The following EIPR1 variants were observed in gnomAD, a reference collection of about 807,000 sequenced individuals.
The protein encoded by EIPR1 is EARP and GARP complex-interacting protein 1.
In EIPR1, 25 loss-of-function variants were observed where a neutral mutation model predicts 48.1. The ratio of observed to expected loss-of-function variants is 0.52; its 90% CI spans 0.38 to 0.73. The LOEUF is 0.73. Ranked by LOEUF, EIPR1 falls within the 30% of genes least tolerant of loss-of-function variation. EIPR1 has a pLI of 0.00. For synonymous variants in EIPR1, 204 were observed against 201.9 expected (o/e 1.01, Z -0.09); for missense variants, 415 against 506.2 (o/e 0.82, Z 1.73).
intron 3 of EIPR1, among the ~76,000 whole-genome samples, chr2:3,272,159 G>A (rs747825520): frequency 5.3e-5 from 8 of 152,178 alleles, no homozygotes; most frequent in East Asian, 1.9e-4. Flanking sequence ...GTCTTGCTCC[G>A]GATTAGGCTT....
rs376767381 is a variant in EIPR1, at chr2:3,214,708, C to A, written c.417-460G>T. On this transcript the variant is annotated intron_variant, in intron 4 of 8. Transcript: ENST00000382125. Reference sequence around the variant, plus strand: ...TACTTTATAAGAAAGTGCTGAATATCTCATGTAACGTATTGGATATCACAC... The same window carrying A: ...TACTTTATAAGAAAGTGCTGAATATATCATGTAACGTATTGGATATCACAC... Among the ~76,000 whole-genome samples, 3 of 152,276 alleles carry A rather than the reference C, an allele frequency of 2.0e-5. No individual in the cohort carries two copies. In the East Asian group the frequency reaches 5.8e-4, roughly 29 times the overall value.
chr2:3,299,618 T>TCACA (rs1212478991), intron 3 of EIPR1, among the ~76,000 whole-genome samples: 4 of 125,976 alleles, frequency 3.2e-5, no homozygotes, highest in Non-Finnish European at 7.0e-5. Context: ...TCTCTCTCTC[T>TCACA]CTCTCTCACA....
intron 5 of EIPR1, among the ~76,000 whole-genome samples, chr2:3,204,740 A>G (rs1322287115): frequency 6.6e-6 from 1 of 152,206 alleles, no homozygotes; most frequent in African/African-American, 2.4e-5. Flanking sequence ...AGAGACAAAA[A>G]GCTGTATTTC....
chr2:3,213,678 G>A (rs1665531365), intron 5 of EIPR1, among the ~76,000 whole-genome samples: 1 of 152,134 alleles, frequency 6.6e-6, no homozygotes, highest in African/African-American at 2.4e-5. Context: ...TGGGTTCCAT[G>A]TCATATCTCA....
intron 4 of EIPR1, among the ~76,000 whole-genome samples, chr2:3,254,881 A>C (rs1241384514): frequency 6.6e-6 from 1 of 152,224 alleles, no homozygotes; most frequent in Non-Finnish European, 1.5e-5. Flanking sequence ...GTGTAAGTTC[A>C]GTGGGCTGTA....
At chr2:3,345,640 AAAGT>A (rs1053472934) in intron 2 of EIPR1, among the ~76,000 whole-genome samples, 47 of 152,146 alleles carry the variant, frequency 3.1e-4, no homozygotes, top group African/African-American at 8.2e-4. Context: ...AAAAAAAGAA[AAAGT>A]AAGAAAAATA....
chr2:3,223,044 C>G (rs921793629), intron 4 of EIPR1, among the ~76,000 whole-genome samples: 1 of 152,178 alleles, frequency 6.6e-6, no homozygotes, highest in Admixed American at 6.5e-5. Flanking sequence ...CAGGGTCCTA[C>G]AAACTGCCCA....
intron 4 of EIPR1, among the ~76,000 whole-genome samples, chr2:3,228,551 C>T (rs1666137029): frequency 6.6e-6 from 1 of 152,158 alleles, no homozygotes; most frequent in Non-Finnish European, 1.5e-5. Context: ...GGGACTGTTG[C>T]AAGGTCATGA....
At chr2:3,245,191 TTGC>T (rs1666758468) in intron 4 of EIPR1, among the ~76,000 whole-genome samples, 1 of 28,526 alleles carries the variant, frequency 3.5e-5, no homozygotes, top group Non-Finnish European at 6.4e-5. Context: ...TACTTTACCG[TTGC>T]GTTGCGTTGC....
chr2:3,292,686 C>T (rs930253024), intron 3 of EIPR1, among the ~76,000 whole-genome samples: 1 of 152,168 alleles, frequency 6.6e-6, no homozygotes, highest in African/African-American at 2.4e-5. Context: ...GGCACGCAGC[C>T]TCATGTGATG....
chr2:3,202,822 T>C (rs1243508345), intron 5 of EIPR1, among the ~76,000 whole-genome samples: 1 of 152,242 alleles, frequency 6.6e-6, no homozygotes, highest in Non-Finnish European at 1.5e-5. Context: ...AACCTTCAGC[T>C]TAAGGACTCG....
intron 3 of EIPR1, among the ~76,000 whole-genome samples, chr2:3,278,038 A>G (rs1287776842): frequency 6.6e-6 from 1 of 152,148 alleles, no homozygotes; most frequent in African/African-American, 2.4e-5. Flanking sequence ...TCACTAGGGA[A>G]CTGCCCTTCC....
chr2:3,291,720 A>G (rs1255370436), intron 3 of EIPR1, among the ~76,000 whole-genome samples: 1 of 152,208 alleles, frequency 6.6e-6, no homozygotes, highest in Non-Finnish European at 1.5e-5. Context: ...AATCTGTATA[A>G]TAGACGTGGA....
intron 2 of EIPR1, among the ~76,000 whole-genome samples, chr2:3,338,524 G>T (rs1459028390): frequency 6.6e-6 from 1 of 152,202 alleles, no homozygotes; most frequent in East Asian, 1.9e-4. Context: ...CTCCCAGCCT[G>T]CTGCACAGCT....
At chr2:3,334,733 G>C (rs1258997966) in intron 3 of EIPR1, among the ~76,000 whole-genome samples, 2 of 152,230 alleles carry the variant, frequency 1.3e-5, no homozygotes, top group African/African-American at 4.8e-5. Context: ...GTTCTGCTAT[G>C]GCAGGAATAA....
intron 5 of EIPR1, among the ~76,000 whole-genome samples, chr2:3,206,152 T>A (rs1369777592): frequency 6.6e-6 from 1 of 152,188 alleles, no homozygotes; most frequent in Non-Finnish European, 1.5e-5. Flanking sequence ...TGGGCTCTCC[T>A]GGTGGCACAC....
intron 6 of EIPR1, among the ~76,000 whole-genome samples, chr2:3,195,049 G>A (rs1046854819): frequency 2.6e-5 from 4 of 152,244 alleles, no homozygotes; most frequent in Non-Finnish European, 4.4e-5. Context: ...GGGCAGACAC[G>A]CACACACGCA....
chr2:3,360,416 AAAG>A (rs1387771152), intron 1 of EIPR1, among the ~76,000 whole-genome samples: 9 of 149,692 alleles, frequency 6.0e-5, no homozygotes, highest in African/African-American at 2.0e-4. Context: ...AAAAAAAAAA[AAAG>A]AAAGAAAGAA....
chr2:3,239,431 C>T lies in EIPR1; in HGVS notation c.416+17868G>A, dbSNP rs144280543. ...AATGACCATCTCTGTGGTTGATGCA[C>T]AGACGCTTAGACACAGGAAGGAGGC... On this transcript the variant is annotated intron_variant, in intron 4 of 8. Transcript: ENST00000382125. Among the ~76,000 whole-genome samples the T allele has an allele frequency of 2.6e-5, 4 of 152,354 alleles. No homozygotes were observed. The East Asian group carries it at 7.7e-4, about 29-fold the overall frequency.
Sources: gnomAD v4.1 joint callset for allele counts (sites outside exome capture counted in the v4.1 genomes callset) on GRCh38, gnomAD v4.1.1 for gene constraint, MANE v1.5 for transcripts, NCBI Gene and HGNC (gene_info 2026-07-23, HGNC 2026-07-21) for gene names.